Variants in FRMD4B observed in about 807,000 individuals in gnomAD.
FRMD4B encodes the protein FERM domain-containing protein 4B.
In FRMD4B, 74 loss-of-function variants were observed where a neutral mutation model predicts 141.5. That is an observed-to-expected ratio of 0.52 (90% CI 0.43 to 0.63). The LOEUF (loss-of-function observed/expected upper bound fraction) is 0.63, where lower values mean the gene tolerates loss of function less well. Ranked by LOEUF, FRMD4B falls within the 30% of genes least tolerant of loss-of-function variation. The pLI, the probability that FRMD4B is intolerant of heterozygous loss-of-function variation, is 0.00. For synonymous variants in FRMD4B, 506 were observed against 467.9 expected (o/e 1.08, Z -1.05); for missense variants, 1,366 against 1,253.4 (o/e 1.09, Z -1.36).
At chr3:69,419,641 T>G (rs1704935827) in intron 2 of FRMD4B, among the ~76,000 whole-genome samples, 1 of 152,178 alleles carries the variant, frequency 6.6e-6, no homozygotes, top group African/African-American at 2.4e-5. Flanking sequence ...GATTGGATAC[T>G]GTGCAGGCAA....
At chr3:69,285,108 A>T (rs1032546117) in intron 5 of FRMD4B, among the ~76,000 whole-genome samples, 1 of 152,212 alleles carries the variant, frequency 6.6e-6, no homozygotes, top group Non-Finnish European at 1.5e-5. Context: ...GGTTGTGGTG[A>T]GCCAAGACTG....
chr3:69,295,397 C>T (rs1444646331), intron 4 of FRMD4B, among the ~76,000 whole-genome samples: 1 of 152,186 alleles, frequency 6.6e-6, no homozygotes, highest in East Asian at 1.9e-4. Flanking sequence ...TCACCGCTCA[C>T]TGCAGCCTCA....
At chr3:69,253,173 TATG>T (rs1174514876) in intron 5 of FRMD4B, among the ~76,000 whole-genome samples, 1 of 146,070 alleles carries the variant, frequency 6.8e-6, no homozygotes, top group Non-Finnish European at 1.5e-5. Flanking sequence ...TTAGTGAAAA[TATG>T]ATTCCTATTT....
chr3:69,350,007 CA>C (rs1198584018), intron 1 of FRMD4B, among the ~76,000 whole-genome samples: 1 of 151,850 alleles, frequency 6.6e-6, no homozygotes, highest in Admixed American at 6.6e-5. Context: ...TTCTGCACAG[CA>C]AAAAAACTAT....
intron 1 of FRMD4B, among the ~76,000 whole-genome samples, chr3:69,509,591 T>C (rs74626909): frequency 0.017 from 2,653 of 152,282 alleles, 75 homozygotes; most frequent in East Asian, 0.12. Flanking sequence ...ATTCTAGTCC[T>C]GAGGGCATCT....
At chr3:69,496,619 GAGAGAGAGAGAGAGAGAA>G (rs1490746712) in intron 1 of FRMD4B, among the ~76,000 whole-genome samples, 7 of 120,206 alleles carry the variant, frequency 5.8e-5, no homozygotes, top group Middle Eastern at 4.1e-3. Flanking sequence ...GAGTGAGAGA[GAGAGAGAGAGAGAGAGAA>G]AGAGAGAGAG....
At chr3:69,292,707 C>T (rs1700911949) in intron 4 of FRMD4B, among the ~76,000 whole-genome samples, 1 of 151,890 alleles carries the variant, frequency 6.6e-6, no homozygotes, top group African/African-American at 2.4e-5. Flanking sequence ...GGGAAAATGG[C>T]TCTTCAGGCA....
chr3:69,324,483 A>G (rs897200270), intron 1 of FRMD4B, among the ~76,000 whole-genome samples: 3 of 152,218 alleles, frequency 2.0e-5, no homozygotes, highest in Non-Finnish European at 4.4e-5. Flanking sequence ...GCAGCCAGAT[A>G]ACTCATTATT....
intron 11 of FRMD4B, among the ~76,000 whole-genome samples, chr3:69,204,812 T>A (rs966299358): frequency 1.3e-5 from 2 of 152,148 alleles, no homozygotes; most frequent in African/African-American, 2.4e-5. Flanking sequence ...AGATGTTGCA[T>A]CTATTATCTT....
chr3:69,518,959 T>A (rs1240267768), intron 1 of FRMD4B, among the ~76,000 whole-genome samples: 5 of 152,178 alleles, frequency 3.3e-5, no homozygotes, highest in African/African-American at 4.8e-5. Context: ...CCAGGCAGCT[T>A]GTTTCTGTGT....
At chr3:69,239,658 A>G (rs991869700) in intron 7 of FRMD4B, among the ~76,000 whole-genome samples, 1 of 152,230 alleles carries the variant, frequency 6.6e-6, no homozygotes, top group Non-Finnish European at 1.5e-5. Flanking sequence ...GACAGAAAGT[A>G]GAATGGTGGT....
At chr3:69,462,786 G>A (rs1705726031) in intron 1 of FRMD4B, among the ~76,000 whole-genome samples, 1 of 152,214 alleles carries the variant, frequency 6.6e-6, no homozygotes. Flanking sequence ...CTTGTGGCAG[G>A]CGATTCCTCC....
chr3:69,369,200 G>A (rs959082938), intron 1 of FRMD4B, among the ~76,000 whole-genome samples: 1 of 152,074 alleles, frequency 6.6e-6, no homozygotes, highest in Non-Finnish European at 1.5e-5. Context: ...TTTACTTTCT[G>A]GAAAAACTTC....
chr3:69,252,762 T>C (rs866596791), intron 5 of FRMD4B, among the ~76,000 whole-genome samples: 3 of 152,178 alleles, frequency 2.0e-5, no homozygotes, highest in Non-Finnish European at 4.4e-5. Flanking sequence ...GCTTTTACTC[T>C]CAACCATGGC....
intron 1 of FRMD4B, among the ~76,000 whole-genome samples, chr3:69,490,992 C>T (rs139898397): frequency 2.3e-4 from 35 of 152,240 alleles, no homozygotes; most frequent in African/African-American, 7.2e-4. Context: ...AACCTCTCCC[C>T]GAGAGACTGA....
intron 11 of FRMD4B, among the ~76,000 whole-genome samples, chr3:69,207,320 A>AG (rs201936899): frequency 0.027 from 4,125 of 150,574 alleles, 168 homozygotes; most frequent in African/African-American, 0.084. Context: ...AAAAAAAAAA[A>AG]AAAGAAAGAA....
intron 1 of FRMD4B, among the ~76,000 whole-genome samples, chr3:69,335,497 G>A (rs985063155): frequency 1.3e-5 from 2 of 150,826 alleles, no homozygotes; most frequent in East Asian, 2.0e-4. Flanking sequence ...TCAGCCTCCC[G>A]AGTAGCTGGG....
At chr3:69,396,287 G>C (rs1016691823) in intron 2 of FRMD4B, among the ~76,000 whole-genome samples, 1 of 152,094 alleles carries the variant, frequency 6.6e-6, no homozygotes, top group African/African-American at 2.4e-5. Flanking sequence ...TGGGTGGATT[G>C]CTTGAGGTCG....
At chr3:69,244,354 A>T (rs2106733877) in intron 7 of FRMD4B, among the ~76,000 whole-genome samples, 2 of 152,324 alleles carry the variant, frequency 1.3e-5, no homozygotes, top group Admixed American at 1.3e-4. Context: ...AAAGAGGTGG[A>T]TATTCACAAG....
Sources: allele counts gnomAD v4.1 joint callset (sites outside exome capture counted in the v4.1 genomes callset), GRCh38; gene constraint gnomAD v4.1.1; transcripts MANE v1.5; gene names NCBI Gene and HGNC (gene_info 2026-07-23, HGNC 2026-07-21).